TTLL5: variants seen among roughly 807,000 people sequenced by gnomAD.
TTLL5 encodes tubulin polyglutamylase TTLL5.
A neutral mutation model predicts 168.4 loss-of-function variants in TTLL5; 132 were observed. That is an observed-to-expected ratio of 0.78 (90% CI 0.68 to 0.91). TTLL5 has a LOEUF of 0.91. Among genes scored for constraint, TTLL5 ranks in the 40% least tolerant of loss-of-function variants. The pLI is 0.00. For missense variants in TTLL5, 1,545 were observed against 1,581.5 expected (o/e 0.98, Z 0.39); for synonymous variants, 546 against 558.6 (o/e 0.98, Z 0.32).
intron 17 of TTLL5, among the ~76,000 whole-genome samples, chr14:75,747,078 A>G (rs1470291997): frequency 6.6e-6 from 1 of 150,834 alleles, no homozygotes; most frequent in Non-Finnish European, 1.5e-5. Flanking sequence ...CTTAGTTTAT[A>G]TTTTACCACA....
chr14:75,736,847 C>G (rs1888943428), intron 15 of TTLL5, among the ~76,000 whole-genome samples: 1 of 152,136 alleles, frequency 6.6e-6, no homozygotes, highest in African/African-American at 2.4e-5. Context: ...CAGGGTTGTA[C>G]TTGATCAGTG....
At chr14:75,683,152 G>T (rs1203307925) in intron 4 of TTLL5, among the ~76,000 whole-genome samples, 2 of 152,150 alleles carry the variant, frequency 1.3e-5, no homozygotes, top group Non-Finnish European at 2.9e-5. Flanking sequence ...CCTTATTGTT[G>T]AATTAATGGA....
chr14:75,815,569 T>G (rs1345197778), intron 27 of TTLL5, among the ~76,000 whole-genome samples: 2 of 152,224 alleles, frequency 1.3e-5, no homozygotes, highest in African/African-American at 4.8e-5. Flanking sequence ...TTTTACTTCT[T>G]TAATGTCTTC....
Position 75,867,142 on chromosome 14 carries a change from T to C in TTLL5, c.3522+3280T>C, listed in dbSNP as rs1224344920. Among the ~76,000 whole-genome samples the C allele has an allele frequency of 1.3e-5, 2 of 152,170 alleles. 1 individual carries two copies. The highest frequency in any genetic ancestry group is 2.9e-5 in the Non-Finnish European group (2 of 68,036). On this transcript the variant is annotated intron_variant, in intron 29 of 31. Coordinates refer to ENST00000298832, the MANE Select transcript of TTLL5 (RefSeq NM_015072.5). Reference sequence around the variant, plus strand: ...CTGTTGCAACTACTCAGCTCTGCCATGGTAGAGTGAAAACAGCCATAAACA... The same window carrying C: ...CTGTTGCAACTACTCAGCTCTGCCACGGTAGAGTGAAAACAGCCATAAACA...
chr14:75,718,743 G>T (rs1171718919), intron 10 of TTLL5, among the ~76,000 whole-genome samples: 1 of 152,176 alleles, frequency 6.6e-6, no homozygotes, highest in East Asian at 1.9e-4. Context: ...GGGAGTACTA[G>T]CCCAGCTGTG....
intron 7 of TTLL5, among the ~76,000 whole-genome samples, chr14:75,702,969 C>A (rs1886387895): frequency 6.6e-6 from 1 of 152,186 alleles, no homozygotes; most frequent in Non-Finnish European, 1.5e-5. Flanking sequence ...CCCAGACCTG[C>A]AAACCATGTT....
At chr14:75,881,202 C>T (rs1284273987) in intron 29 of TTLL5, among the ~76,000 whole-genome samples, 1 of 152,314 alleles carries the variant, frequency 6.6e-6, no homozygotes, top group Non-Finnish European at 1.5e-5. Flanking sequence ...GCATTAGCCA[C>T]CGAACCTGGC....
In TTLL5 at chr14:75,863,548, T is replaced by C. The variant is rs368468131; in HGVS notation, c.3327-119T>C. The C allele has an allele frequency of 2.3e-5, 22 of 971,260 alleles. No homozygotes were observed. The East Asian group carries it at 3.8e-4, about 17-fold the overall frequency. The allele number at this position is 971,260 out of a possible 1,614,324, so 60.2% of individuals were successfully genotyped here. On this transcript the variant is annotated intron_variant, in intron 28 of 31. Coordinates refer to ENST00000298832, the MANE Select transcript of TTLL5 (RefSeq NM_015072.5). The stretch of plus-strand genomic sequence containing the variant: ...TGAGATAATATCACACAAGTAGATT[T>C]GTAATTCCAAACTGTGCTTGGTTCC...
chr14:75,732,132 A>G lies in TTLL5; in HGVS notation c.1043-206A>G, dbSNP rs1219932140. ...TGCATGATAAAAACAGTGGAATTTT[A>G]TAGCATTGTTTTCTTATTCCTAGAA... is the stretch of plus-strand genomic sequence containing the variant. On this transcript the variant is annotated intron_variant, in intron 12 of 31. Coordinates refer to ENST00000298832, the MANE Select transcript of TTLL5 (RefSeq NM_015072.5). The G allele has an allele frequency of 7.1e-5, 36 of 507,016 alleles. 1 individual carries two copies. Among genetic ancestry groups the G allele is most frequent in the Middle Eastern group, 1.1e-3 (2 of 1,902 alleles). 31.4% of individuals were successfully genotyped at this position (507,016 alleles called of 1,614,324 possible). A position where few individuals can be genotyped will look rare whatever the true frequency, so the allele number is the denominator to read the frequency against.
At chr14:75,861,330 C>T (rs1279601916) in intron 28 of TTLL5, among the ~76,000 whole-genome samples, 2 of 152,068 alleles carry the variant, frequency 1.3e-5, no homozygotes, top group Non-Finnish European at 2.9e-5. Flanking sequence ...GTTGGGAAAC[C>T]AAAGCAGAGG....
In TTLL5 at chr14:75,680,503, C is replaced by T. The variant is rs113344777; in HGVS notation, c.182-1042C>T. ...TTTTTAGAGCACCATGAGAAACAAACCAACCATGTCTGCAGGCTGGATTTC... is the reference window on the plus strand; with the variant it reads ...TTTTTAGAGCACCATGAGAAACAAATCAACCATGTCTGCAGGCTGGATTTC... On this transcript the variant is annotated intron_variant, in intron 3 of 31. Transcript: ENST00000298832. Among the ~76,000 whole-genome samples, 824 of 152,122 alleles carry T rather than the reference C, an allele frequency of 5.4e-3. 4 individuals are homozygous for T. The highest frequency in any genetic ancestry group is 0.011 in the East Asian group (57 of 5,180).
chr14:75,938,769 G>A (rs1281488299), intron 31 of TTLL5, among the ~76,000 whole-genome samples: 3 of 152,194 alleles, frequency 2.0e-5, no homozygotes, highest in Non-Finnish European at 4.4e-5. Context: ...GATGCTTACA[G>A]CAGAGTAGGC....
At chr14:75,766,026 CT>C (rs747212756) in intron 19 of TTLL5, 35 bp from the exon 20 acceptor site, 3 of 1,564,640 alleles carry the variant, frequency 1.9e-6, no homozygotes, top group East Asian at 2.2e-5. Flanking sequence ...ACATTTAATC[CT>C]TTTTTCAGCA....
chr14:75,680,371 G>T (rs937371257), intron 3 of TTLL5, among the ~76,000 whole-genome samples: 3 of 152,172 alleles, frequency 2.0e-5, no homozygotes, highest in African/African-American at 7.2e-5. Context: ...CTTGCCATTG[G>T]AGAGAAGAAA....
intron 31 of TTLL5, among the ~76,000 whole-genome samples, chr14:75,908,556 T>G (rs867249762): frequency 2.9e-4 from 44 of 152,226 alleles, no homozygotes; most frequent in African/African-American, 1.0e-3. Context: ...GTGTTTGCAT[T>G]ACATGTTTTA....
chr14:75,933,176 G>T (rs557960125), intron 31 of TTLL5, among the ~76,000 whole-genome samples: 6 of 152,240 alleles, frequency 3.9e-5, no homozygotes, highest in African/African-American at 1.4e-4. Context: ...ATAAATATTT[G>T]GCTCGGCACA....
At chr14:75,874,874 T>C (rs1442262783) in intron 29 of TTLL5, among the ~76,000 whole-genome samples, 1 of 149,858 alleles carries the variant, frequency 6.7e-6, no homozygotes, top group Non-Finnish European at 1.5e-5. Flanking sequence ...AATGGAACTA[T>C]AAGATTTTGG....
At chr14:75,746,572 T>C (rs904086763) in intron 17 of TTLL5, among the ~76,000 whole-genome samples, 28 of 149,922 alleles carry the variant, frequency 1.9e-4, no homozygotes, top group Admixed American at 1.8e-3. Flanking sequence ...TTTTTTTTTT[T>C]TGGAGACAGT....
intron 31 of TTLL5, among the ~76,000 whole-genome samples, chr14:75,947,631 A>G (rs1408736956): frequency 6.6e-6 from 1 of 152,246 alleles, no homozygotes; most frequent in East Asian, 1.9e-4. Flanking sequence ...TCTGATAATA[A>G]GTAATGTTTC....
Sources: allele counts gnomAD v4.1 joint callset (sites outside exome capture counted in the v4.1 genomes callset), GRCh38; gene constraint gnomAD v4.1.1; transcripts MANE v1.5; gene names NCBI Gene and HGNC (gene_info 2026-07-23, HGNC 2026-07-21).